IGSF21: variants seen among roughly 807,000 people sequenced by gnomAD.
IGSF21 encodes the protein immunoglobin superfamily member 21.
IGSF21 carries 28 observed loss-of-function variants against 46.8 expected under a neutral mutation model. That is an observed-to-expected ratio of 0.60 (90% confidence interval 0.44 to 0.82). IGSF21 has a LOEUF of 0.82. Among genes scored for constraint, IGSF21 ranks in the 40% least tolerant of loss-of-function variants. IGSF21 has a pLI of 0.00. For synonymous variants in IGSF21, 284 were observed against 273.6 expected (o/e 1.04, Z -0.38); for missense variants, 624 against 665.5 (o/e 0.94, Z 0.69).
intron 1 of IGSF21, among the ~76,000 whole-genome samples, chr1:18,212,488 G>T (rs978354046): frequency 6.6e-6 from 1 of 152,158 alleles, no homozygotes; most frequent in Non-Finnish European, 1.5e-5. Flanking sequence ...AGAAATAAGC[G>T]CCATGAGCCC....
chr1:18,351,888 A>T (rs931515494), intron 4 of IGSF21, among the ~76,000 whole-genome samples: 1 of 152,226 alleles, frequency 6.6e-6, no homozygotes, highest in African/African-American at 2.4e-5. Flanking sequence ...GAGCGGAGGC[A>T]GTTGCAGGCA....
intron 5 of IGSF21, among the ~76,000 whole-genome samples, chr1:18,363,754 G>A (rs886856882): frequency 1.3e-4 from 19 of 150,076 alleles, no homozygotes; most frequent in Non-Finnish European, 7.4e-5. Flanking sequence ...CACAGGTGAG[G>A]CGGTGGGTAG....
In IGSF21 at chr1:18,337,165, C is replaced by T. The variant is rs1015656161; in HGVS notation, c.424+2155C>T. ...AGCTCTGACACTTCTGAGTCCCTTA[C>T]TCCATCCACTAGGTGAGGAAACTGA... is the stretch of plus-strand genomic sequence containing the variant. On this transcript the variant is annotated intron_variant, in intron 4 of 9. Coordinates refer to ENST00000251296, the MANE Select transcript of IGSF21 (RefSeq NM_032880.5). The surrounding 1 kb of genome is among the most constrained non-coding windows in gnomAD (Gnocchi z 5.7). Among the ~76,000 whole-genome samples, 2 of 152,164 alleles carry T rather than the reference C, an allele frequency of 1.3e-5. No homozygotes were observed. The highest frequency in any genetic ancestry group is 4.8e-5 in the African/African-American group (2 of 41,414).
chr1:18,338,006 GTT>G (rs1269629575), intron 4 of IGSF21, among the ~76,000 whole-genome samples: 4 of 152,206 alleles, frequency 2.6e-5, no homozygotes, highest in Non-Finnish European at 4.4e-5. Flanking sequence ...GTGGCTGAGT[GTT>G]TCTCATACAG....
intron 4 of IGSF21, among the ~76,000 whole-genome samples, chr1:18,346,510 G>A (rs1045760992): frequency 2.0e-5 from 3 of 152,060 alleles, no homozygotes; most frequent in African/African-American, 7.2e-5. Context: ...AAATGCAGTG[G>A]CCGGACATAA....
chr1:18,277,566 A>T (rs1008489763), intron 2 of IGSF21, among the ~76,000 whole-genome samples: 1 of 152,206 alleles, frequency 6.6e-6, no homozygotes, highest in Non-Finnish European at 1.5e-5. Flanking sequence ...AAAAAAGAAA[A>T]CTTGTGCAAG....
rs115769335 is a variant in IGSF21, at chr1:18,293,024, A to G, written c.305+1037A>G. ...GGGACTGCAGCCCCGGCAAGCCCAC[A>G]TGATGTGCACTGTGGCACCATGCTA... On this transcript the variant is annotated intron_variant, in intron 3 of 9. Coordinates refer to ENST00000251296, the MANE Select transcript of IGSF21 (RefSeq NM_032880.5). Among the ~76,000 whole-genome samples the G allele has an allele frequency of 8.0e-3, 1,214 of 152,310 alleles. 20 individuals are homozygous for G. Among genetic ancestry groups the G allele is most frequent in the African/African-American group, 0.028 (1,161 of 41,564 alleles).
At chr1:18,141,980 G>A (rs528108668) in intron 1 of IGSF21, among the ~76,000 whole-genome samples, 11 of 152,186 alleles carry the variant, frequency 7.2e-5, no homozygotes, top group Admixed American at 3.9e-4. Context: ...TGAGGTGGGA[G>A]GATTACTTGA....
At chr1:18,369,137 A>G (rs2086200109) in intron 6 of IGSF21, among the ~76,000 whole-genome samples, 1 of 152,182 alleles carries the variant, frequency 6.6e-6, no homozygotes, top group South Asian at 2.1e-4. Flanking sequence ...CAGCAGGGCC[A>G]CCAAGATGAA....
chr1:18,334,544 C>A lies in IGSF21; in HGVS notation c.306-348C>A, dbSNP rs1198985173. Among the ~76,000 whole-genome samples, 2 of 152,186 alleles carry A rather than the reference C, an allele frequency of 1.3e-5. No individual in the cohort carries two copies. Among genetic ancestry groups the A allele is most frequent in the African/African-American group, 4.8e-5 (2 of 41,442 alleles). ...TTTGGTCCCATACTGCATGCAGCGA[C>A]ATACTAAATGCCCATACCTCTTCAC... On this transcript the variant is annotated intron_variant, in intron 3 of 9. Coordinates refer to ENST00000251296, the MANE Select transcript of IGSF21 (RefSeq NM_032880.5). The surrounding 1 kb of genome is among the most constrained non-coding windows in gnomAD (Gnocchi z 4.3).
intron 3 of IGSF21, among the ~76,000 whole-genome samples, chr1:18,307,051 G>A (rs2085433528): frequency 1.3e-5 from 2 of 152,328 alleles, no homozygotes; most frequent in Non-Finnish European, 2.9e-5. Context: ...GAGCTGGGCT[G>A]ACACTCCTAA....
rs943279635 is a variant in IGSF21 at position 18,334,060 on chromosome 1, A to C, written c.306-832A>C. On this transcript the variant is annotated intron_variant, in intron 3 of 9. Transcript: ENST00000251296. This position sits in a 1 kb window ranked among gnomAD's most constrained non-coding sequence, Gnocchi z 4.3. ...GGACAGGGTTGAATTGCAATTGTAA[A>C]GGGCAAGAAAGCCTAAAATATTTAC... 2.6e-5 allele frequency among the ~76,000 whole-genome samples: 4 copies of C among 152,218 alleles called. No homozygotes were observed. Among genetic ancestry groups the C allele is most frequent in the African/African-American group, 9.7e-5 (4 of 41,448 alleles).
intron 1 of IGSF21, among the ~76,000 whole-genome samples, chr1:18,153,741 G>A (rs1245795284): frequency 6.6e-6 from 1 of 151,762 alleles, no homozygotes; most frequent in African/African-American, 2.4e-5. Flanking sequence ...GGGGGGCTGG[G>A]GACACGAAGG....
chr1:18,118,291 C>T (rs953451771), intron 1 of IGSF21, among the ~76,000 whole-genome samples: 5 of 152,140 alleles, frequency 3.3e-5, no homozygotes, highest in Non-Finnish European at 4.4e-5. Context: ...TCCCTAACGC[C>T]GCCCCAAAGG....
At chr1:18,291,355 C>A (rs1051404364) in intron 2 of IGSF21, among the ~76,000 whole-genome samples, 2 of 152,232 alleles carry the variant, frequency 1.3e-5, no homozygotes, top group African/African-American at 4.8e-5. Context: ...ATGTTGGATT[C>A]CTGGCCTCCT....
chr1:18,233,477 C>T (rs2084646622), intron 2 of IGSF21, among the ~76,000 whole-genome samples: 1 of 152,182 alleles, frequency 6.6e-6, no homozygotes, highest in South Asian at 2.1e-4. Flanking sequence ...TGAGTTTGAC[C>T]TTGGGTGGTG....
At chr1:18,323,599 G>T (rs1459982994) in intron 3 of IGSF21, among the ~76,000 whole-genome samples, 1 of 152,260 alleles carries the variant, frequency 6.6e-6, no homozygotes, top group African/African-American at 2.4e-5. Flanking sequence ...TATGGCAGGG[G>T]TGGAGCCTGA....
At chr1:18,229,653 C>A (rs1359331153) in intron 2 of IGSF21, among the ~76,000 whole-genome samples, 2 of 152,192 alleles carry the variant, frequency 1.3e-5, no homozygotes, top group African/African-American at 2.4e-5. Context: ...ACATCCAGCA[C>A]CCTAGAGGGT....
intron 1 of IGSF21, among the ~76,000 whole-genome samples, chr1:18,127,369 T>C (rs889441725): frequency 1.3e-5 from 2 of 152,090 alleles, no homozygotes; most frequent in Admixed American, 6.6e-5. Flanking sequence ...GGAAGGCTTC[T>C]TGGAGGAGGT....
Sources: gnomAD v4.1 joint callset for allele counts (sites outside exome capture counted in the v4.1 genomes callset) on GRCh38, gnomAD v4.1.1 for gene constraint, Gnocchi (gnomAD v3.1) non-coding constraint, MANE v1.5 for transcripts, NCBI Gene and HGNC (gene_info 2026-07-23, HGNC 2026-07-21) for gene names.